NPC1L1: variants seen among roughly 807,000 people sequenced by gnomAD.
NPC1L1 encodes the protein NPC1-like intracellular cholesterol transporter 1.
NPC1L1 carries 98 observed loss-of-function variants against 117.0 expected under a neutral mutation model. That is an observed-to-expected ratio of 0.84 (90% CI 0.71 to 0.99). The LOEUF (loss-of-function observed/expected upper bound fraction) is 0.99. Among genes scored for constraint, NPC1L1 ranks in the 50% least tolerant of loss-of-function variants. The pLI, the probability that NPC1L1 is intolerant of heterozygous loss-of-function variation, is 0.00. For synonymous variants in NPC1L1, 729 were observed against 727.6 expected (o/e 1.00, Z -0.03); for missense variants, 1,540 against 1,710.0 (o/e 0.90, Z 1.75).
chr7:44,531,828 G>A lies in NPC1L1; in HGVS notation c.2564C>T (p.Ala855Val). The A allele has an allele frequency of 6.3e-7, 1 of 1,585,388 alleles. No homozygotes were observed. Among genetic ancestry groups the A allele is most frequent in the Non-Finnish European group, 8.6e-7 (1 of 1,165,956 alleles). ...TRGVVLLLFL[A>V]LFGVSLYSMC... ...GGAGTAGAGGCTCACTCCGAACAGG[G>A]CGAGAAACAGCAGCAGCTGAGAAGG... Residue 855 changes from alanine to valine, a missense_variant, in exon 10 of 19, where the codon GCC becomes GTC. Ala to Val is a moderately conservative substitution (Grantham distance 64). This residue lies in a region of NPC1L1 where 742 missense variants were observed against 873.6 expected (regional missense o/e 0.85). Transcript: ENST00000381160.
In NPC1L1 at chr7:44,538,427, C is replaced by T. The variant is rs948913762; in HGVS notation, c.1580+390G>A. On this transcript the variant is annotated intron_variant, in intron 2 of 18. Coordinates refer to ENST00000381160, the MANE Select transcript of NPC1L1 (RefSeq NM_001101648.2). This position sits in a 1 kb window ranked among gnomAD's most constrained non-coding sequence, Gnocchi z 5.9. ...ACCTCATGGGTTACTGATGGCCCTA[C>T]GGCCCCTGGCACAGAAACAAGAAGC... 3.9e-5 allele frequency among the ~76,000 whole-genome samples: 6 copies of T among 152,348 alleles called. No homozygotes were observed. The highest frequency in any genetic ancestry group is 1.4e-4 in the African/African-American group (6 of 41,596).
Position 44,516,746 on chromosome 7 carries a change from C to T in NPC1L1, c.3476G>A (p.Trp1159Ter). 6.2e-7 allele frequency: 1 copy of T among 1,613,264 alleles called. No individual in the cohort carries two copies. The highest frequency in any genetic ancestry group is 8.5e-7 in the Non-Finnish European group (1 of 1,179,706). ...GGACACAGCATTGTAACTGATGCCC[C>T]ACAGGGCCATGAAGCCGACAGTGTC... ...LVDTVGFMAL[W>*]GISYNAVSLI... The change falls in exon 16 of 19, where the codon TGG (tryptophan) becomes TAG (stop). Residue 1159 changes from tryptophan to a stop codon, truncating the protein, a stop_gained. Coordinates refer to ENST00000381160, the MANE Select transcript of NPC1L1 (RefSeq NM_001101648.2). LOFTEE classifies it high-confidence loss of function.
chr7:44,516,574 C>T (rs1801191879), intron 16 of NPC1L1, 129 bp downstream of exon 16: 8 of 815,336 alleles, frequency 9.8e-6, no homozygotes, highest in Non-Finnish European at 1.6e-5. Flanking sequence ...TCACTGCCCT[C>T]AAGCCTGAGC....
chr7:44,523,731 G>A (rs558090460), intron 10 of NPC1L1, among the ~76,000 whole-genome samples: 4 of 152,306 alleles, frequency 2.6e-5, no homozygotes, highest in South Asian at 2.1e-4. Flanking sequence ...GCTGGGTGTG[G>A]TGGCACATGC....
chr7:44,540,413 G>T (rs1015861725), intron 1 of NPC1L1, 71 bp from the exon 2 acceptor site: 1 of 1,408,400 alleles, frequency 7.1e-7, no homozygotes, highest in African/African-American at 1.4e-5. Flanking sequence ...AGGCAGCCAG[G>T]GAGGGTGTGA....
Position 44,533,576 on chromosome 7 carries a change from G to C in NPC1L1, c.2282-18C>G, listed in dbSNP as rs377401853. On this transcript the variant is annotated intron_variant, in intron 7 of 18. Transcript: ENST00000381160. The stretch of plus-strand genomic sequence containing the variant: ...CAGGGCCCCTGTGAGGGAGCAGAGG[G>C]CTGTCAGGGCACCCTGGCTTCAAGG... 1 of 1,614,150 alleles carries C rather than the reference G, an allele frequency of 6.2e-7. No individual in the cohort carries two copies. Among genetic ancestry groups the C allele is most frequent in the Non-Finnish European group, 8.5e-7 (1 of 1,180,014 alleles).
At position 44,539,917 on chromosome 7, in the gene NPC1L1, G is replaced by A. The variant is rs370021420; in HGVS notation, c.480C>T (p.Tyr160=). The stretch of plus-strand genomic sequence containing the variant: ...AGCTCTGCTCGGCAAAGCTATGCTG[G>A]TAGAAGGCCTCATAGGCCACCACAG... ...LPAVVAYEAF[Y]QHSFAEQSYD... Residue 160 remains tyrosine (Y), a synonymous_variant, in exon 2 of 19, where the codon TAC becomes TAT. Coordinates refer to ENST00000381160, the MANE Select transcript of NPC1L1 (RefSeq NM_001101648.2). The surrounding 1 kb of genome is among the most constrained non-coding windows in gnomAD (Gnocchi z 4.4). 1 of 1,614,216 alleles carries A rather than the reference G, an allele frequency of 6.2e-7. No individual in the cohort carries two copies. The highest frequency in any genetic ancestry group is 8.5e-7 in the Non-Finnish European group (1 of 1,180,044).
rs2117059357 is a variant in NPC1L1 at position 44,532,200 on chromosome 7, G to A, written c.2427C>T (p.Val809=). 1 of 1,613,850 alleles carries A rather than the reference G, an allele frequency of 6.2e-7. No homozygotes were observed. Among genetic ancestry groups the A allele is most frequent in the Admixed American group, 1.7e-5 (1 of 60,024 alleles). ...GCTCCTGGGGCTTGACACAGCAGCAGACGTCCAACCGGGAGGCCTGGAGTG... is the reference window on the plus strand; with the variant it reads ...GCTCCTGGGGCTTGACACAGCAGCAAACGTCCAACCGGGAGGCCTGGAGTG... ...SKRQEASRLD[V]CCCVKPQELP... The change falls in exon 9 of 19, where the codon GTC becomes GTT. Residue 809 remains valine, a synonymous_variant. Transcript: ENST00000381160.
In NPC1L1 at chr7:44,517,252, C is replaced by T. The variant is rs367932800; in HGVS notation, c.3242G>A (p.Arg1081Gln). ...AGCCGGGTCTGTTCCAGGCACTTTC[C>T]GCAGGTCAGCAGTGATGTTGGCTGC... ...ELAANITADL[R>Q]KVPGTDPAFE... is the part of the protein sequence containing the mutation. Residue 1081 changes from arginine to glutamine, a missense_variant, in exon 15 of 19, where the codon CGG (arginine) becomes CAG (glutamine). Coordinates refer to ENST00000381160, the MANE Select transcript of NPC1L1 (RefSeq NM_001101648.2). The T allele has an allele frequency of 3.8e-5, 61 of 1,614,028 alleles. 1 individual carries two copies. Among genetic ancestry groups the T allele is most frequent in the East Asian group, 4.5e-5 (2 of 44,888 alleles).
At position 44,516,768 on chromosome 7, in the gene NPC1L1, T is replaced by C. The variant is rs895973476; in HGVS notation, c.3454A>G (p.Thr1152Ala). 3.1e-6 allele frequency: 5 copies of C among 1,613,786 alleles called. No individual in the cohort carries two copies. The highest frequency in any genetic ancestry group is 3.3e-5 in the Admixed American group (2 of 59,958). The change falls in exon 16 of 19, where the codon ACT becomes GCT. Residue 1152 changes from threonine to alanine, a missense_variant. This residue lies in a region of NPC1L1 where 742 missense variants were observed against 873.6 expected (regional missense o/e 0.85). Transcript: ENST00000381160. ...CCCCACAGGGCCATGAAGCCGACAG[T>C]GTCCACGAGGATCATGACAATGGAG... ...LLSIVMILVDTVGFMALWGIS... is the reference protein window; with the variant it reads ...LLSIVMILVDAVGFMALWGIS...
intron 10 of NPC1L1, among the ~76,000 whole-genome samples, chr7:44,526,546 C>CAAAAAAAAAAAAAAAAAAAAAAAAAAAA (rs372498105): frequency 5.9e-5 from 4 of 68,350 alleles, no homozygotes; most frequent in African/African-American, 2.8e-4. Context: ...GACTCCATCT[C>CAAAAAAAAAAAAAAAAAAAAAAAAAAAA]AAAAAAAAAA....
Position 44,533,429 on chromosome 7 carries a change from A to G in NPC1L1, c.2409+2T>C. ...CCTCAGTACTGGCCCAGCTGCCCCT[A>G]CCTCCTGCCTCTTGCTGTCCAGGGA... On this transcript the variant is annotated splice_donor_variant, in intron 8 of 18. Coordinates refer to ENST00000381160, the MANE Select transcript of NPC1L1 (RefSeq NM_001101648.2). LOFTEE classifies it high-confidence loss of function. The G allele has an allele frequency of 6.2e-7, 1 of 1,613,422 alleles. No homozygotes were observed. The highest frequency in any genetic ancestry group is 8.5e-7 in the Non-Finnish European group (1 of 1,179,758).
In NPC1L1 at chr7:44,534,611, G is replaced by A. The variant is rs527467198; in HGVS notation, c.2002C>T (p.Leu668=). The part of the protein sequence containing the change: ...SRVMVDSKAT[L]GLGGVAVVLG... The stretch of plus-strand genomic sequence containing the variant: ...ACCACGGCCACCCCGCCGAGGCCCA[G>A]CGTGGCCTTGGAGTCCACCTGCAAT... Residue 668 remains leucine, a synonymous_variant, in exon 6 of 19, where the codon CTG becomes TTG. Coordinates refer to ENST00000381160, the MANE Select transcript of NPC1L1 (RefSeq NM_001101648.2). The surrounding 1 kb of genome is among the most constrained non-coding windows in gnomAD (Gnocchi z 5.2). 15 of 1,614,044 alleles carry A rather than the reference G, an allele frequency of 9.3e-6. No homozygotes were observed. In the African/African-American group the frequency reaches 1.5e-4, roughly 16 times the overall value.
rs866929073 is a variant in NPC1L1 at position 44,531,128 on chromosome 7, C to T, written c.2637+627G>A. ...CTCTTGGCCACCAGCCCATGGCCAC[C>T]GCTGATGCATATCCAGAGGAGCCGG... On this transcript the variant is annotated intron_variant, in intron 10 of 18. Transcript: ENST00000381160. Among the ~76,000 whole-genome samples, 10 of 152,236 alleles carry T rather than the reference C, an allele frequency of 6.6e-5. No homozygotes were observed. The South Asian group carries it at 8.3e-4, about 13-fold the overall frequency.
chr7:44,527,849 T>C (rs897402062), intron 10 of NPC1L1, among the ~76,000 whole-genome samples: 4 of 152,140 alleles, frequency 2.6e-5, no homozygotes, highest in African/African-American at 9.7e-5. Context: ...TTTTGAGACA[T>C]AGTCTCGCTC....
intron 10 of NPC1L1, among the ~76,000 whole-genome samples, chr7:44,531,383 C>T (rs1487285944): frequency 6.6e-6 from 1 of 152,222 alleles, no homozygotes; most frequent in Non-Finnish European, 1.5e-5. Flanking sequence ...CCTCCAACCA[C>T]GGGGCTTTCC....
At position 44,539,723 on chromosome 7, in the gene NPC1L1, G is replaced by A; in HGVS notation, c.674C>T (p.Pro225Leu). Residue 225 changes from proline to leucine, a missense_variant, in exon 2 of 19, where the codon CCT becomes CTT. By Grantham distance (98) the Pro-to-Leu change is moderately conservative. Coordinates refer to ENST00000381160, the MANE Select transcript of NPC1L1 (RefSeq NM_001101648.2). The surrounding 1 kb of genome is among the most constrained non-coding windows in gnomAD (Gnocchi z 4.4). ...AATCCCACTCCCCACGGCCTGGCCA[G>A]GCTCCAAGAGGTGGAAGGTGATGTC... ...PLDITFHLLE[P>L]GQAVGSGIQP... 6.2e-7 allele frequency: 1 copy of A among 1,614,144 alleles called. No individual in the cohort carries two copies. Among genetic ancestry groups the A allele is most frequent in the African/African-American group, 1.3e-5 (1 of 75,064 alleles).
intron 10 of NPC1L1, among the ~76,000 whole-genome samples, chr7:44,523,950 C>T (rs1801433916): frequency 6.6e-6 from 1 of 152,290 alleles, no homozygotes; most frequent in South Asian, 2.1e-4. Context: ...GGTACAGATA[C>T]ACAGGCAGGC....
chr7:44,539,362 G>A lies in NPC1L1; in HGVS notation c.1035C>T (p.Gly345=), dbSNP rs777264776. Residue 345 remains glycine, a synonymous_variant, in exon 2 of 19, where the codon GGC becomes GGT. Coordinates refer to ENST00000381160, the MANE Select transcript of NPC1L1 (RefSeq NM_001101648.2). This position sits in a 1 kb window ranked among gnomAD's most constrained non-coding sequence, Gnocchi z 4.4. ...TCAGAGGCCACGAAGCCACCCACGT[G>A]CCCCAGCCCTGGAAGAACTGGCCAA... ...TLLGQFFQGW[G]TWVASWPLTI... is the part of the protein sequence containing the mutation. The A allele has an allele frequency of 6.8e-6, 11 of 1,613,330 alleles. No homozygotes were observed. The highest frequency in any genetic ancestry group is 1.3e-5 in the African/African-American group (1 of 74,912).
Sources: gnomAD v4.1 joint callset for allele counts (sites outside exome capture counted in the v4.1 genomes callset) on GRCh38, gnomAD v4.1.1 for gene constraint, gnomAD v4.1.1 regional missense constraint, Gnocchi (gnomAD v3.1) non-coding constraint, MANE v1.5 for transcripts, NCBI Gene and HGNC (gene_info 2026-07-23, HGNC 2026-07-21) for gene names.